WASHC3: variants seen among roughly 807,000 people sequenced by gnomAD.
The protein encoded by WASHC3 is WASH complex subunit CCDC53.
Under a neutral mutation model 26.1 loss-of-function variants are expected in WASHC3, and 24 were observed. The observed-to-expected ratio is 0.92, with a 90% confidence interval of 0.66 to 1.29. The LOEUF is 1.29. WASHC3 is among the 50% of genes most tolerant of loss of function. WASHC3 has a pLI of 0.00. For missense variants in WASHC3, 214 were observed against 229.6 expected (o/e 0.93, Z 0.44); for synonymous variants, 77 against 75.7 (o/e 1.02, Z -0.09).
intron 1 of WASHC3, among the ~76,000 whole-genome samples, 200 bp downstream of exon 1, chr12:102,061,712 C>T (rs916685035): frequency 2.6e-5 from 4 of 152,148 alleles, no homozygotes; most frequent in African/African-American, 9.7e-5. Context: ...GAGATGCACA[C>T]CGTCTCCTTA....
At chr12:102,026,075 A>C (rs1288282744) in intron 5 of WASHC3, 37 bp from the exon 6 acceptor site, 2 of 1,212,230 alleles carry the variant, frequency 1.6e-6, no homozygotes, top group African/African-American at 1.5e-5. Context: ...ATCATTAAAA[A>C]TGTCTCCTTT....
intron 2 of WASHC3, among the ~76,000 whole-genome samples, chr12:102,047,747 G>T (rs7311057): frequency 0.3 from 46,190 of 151,860 alleles, 7,438 homozygotes; most frequent in East Asian, 0.42. Context: ...ACAAAAAAAT[G>T]GAATTAAAAA....
chr12:102,019,922 G>A (rs933170765), intron 6 of WASHC3, among the ~76,000 whole-genome samples: 4 of 151,960 alleles, frequency 2.6e-5, no homozygotes, highest in Admixed American at 6.6e-5. Context: ...TTTGACACCC[G>A]TTCTTCTCCC....
At chr12:102,039,794 T>C in intron 5 of WASHC3, 74 bp downstream of exon 5, 1 of 604,102 alleles carries the variant, frequency 1.7e-6, no homozygotes, top group South Asian at 2.6e-5. Context: ...TTGAAAAAAA[T>C]AACAGTAAAA....
chr12:102,025,224 T>C (rs1877124592), intron 6 of WASHC3, among the ~76,000 whole-genome samples: 1 of 152,106 alleles, frequency 6.6e-6, no homozygotes, highest in South Asian at 2.1e-4. Context: ...CAGCCCCAAA[T>C]TGGAAAGATT....
At chr12:102,024,826 A>G (rs10507138) in intron 6 of WASHC3, among the ~76,000 whole-genome samples, 21,960 of 152,152 alleles carry the variant, frequency 0.14, 1,743 homozygotes, top group Non-Finnish European at 0.18. Context: ...GATTGAACCT[A>G]TATGTCTGAT....
At position 102,053,604 on chromosome 12, in the gene WASHC3, C is replaced by A. The variant is rs532164841; in HGVS notation, c.151-7485G>T. Reference sequence around the variant, plus strand: ...AAGAAACAAATCACCAGTAACTGACCCTTCTTCACAACGAATCCAAAATTA... The same window carrying A: ...AAGAAACAAATCACCAGTAACTGACACTTCTTCACAACGAATCCAAAATTA... On this transcript the variant is annotated intron_variant, in intron 2 of 6. Coordinates refer to ENST00000240079, the MANE Select transcript of WASHC3 (RefSeq NM_016053.4). Among the ~76,000 whole-genome samples, 16 of 152,254 alleles carry A rather than the reference C, an allele frequency of 1.1e-4. 1 individual carries two copies. The South Asian group carries it at 1.7e-3, about 16-fold the overall frequency.
At chr12:102,036,260 G>A (rs1260116353) in intron 5 of WASHC3, among the ~76,000 whole-genome samples, 1 of 151,862 alleles carries the variant, frequency 6.6e-6, no homozygotes, top group East Asian at 1.9e-4. Flanking sequence ...TACTCAGGAG[G>A]CTGAGGCAGG....
intron 6 of WASHC3, chr12:102,017,801 T>C (rs1876774961): frequency 2.3e-6 from 1 of 437,570 alleles, no homozygotes; most frequent in Non-Finnish European, 4.5e-6. Context: ...CTTTTTTTAA[T>C]TTTTCTTATT....
At chr12:102,034,559 T>C (rs1193965217) in intron 5 of WASHC3, among the ~76,000 whole-genome samples, 1 of 152,184 alleles carries the variant, frequency 6.6e-6, no homozygotes. Context: ...GGAAAAGTGC[T>C]AAGTGGTTTG....
chr12:102,014,374 C>G (rs1283966349), intron 6 of WASHC3, among the ~76,000 whole-genome samples: 1 of 151,882 alleles, frequency 6.6e-6, no homozygotes, highest in African/African-American at 2.4e-5. Flanking sequence ...TGGCCTATAA[C>G]TGCTGTATCT....
In WASHC3 at chr12:102,013,114, A is replaced by T; in HGVS notation, c.579T>A (p.Ser193Arg). 1 of 1,455,054 alleles carries T rather than the reference A, an allele frequency of 6.9e-7. No homozygotes were observed. Among genetic ancestry groups the T allele is most frequent in the South Asian group, 1.2e-5 (1 of 81,878 alleles). The allele number at this position is 1,455,054 out of a possible 1,614,324, so 90.1% of individuals were successfully genotyped here. Residue 193 changes from serine to arginine, a missense_variant, in exon 7 of 7, where the codon AGT becomes AGA. By Grantham distance (110) the Ser-to-Arg change is moderately radical. Coordinates refer to ENST00000240079, the MANE Select transcript of WASHC3 (RefSeq NM_016053.4). ...ATTCTTATCAAAATTAAGCTTAATCACTAAAAGAAGATTCGCTATCTGAAC... is the reference window on the plus strand; with the variant it reads ...ATTCTTATCAAAATTAAGCTTAATCTCTAAAAGAAGATTCGCTATCTGAAC... ...EESSDSESSFSD is the reference protein window; with the variant it reads ...EESSDSESSFRD
intron 1 of WASHC3, 59 bp downstream of exon 1, chr12:102,061,853 C>G: frequency 6.8e-7 from 1 of 1,465,954 alleles, no homozygotes; most frequent in Non-Finnish European, 9.3e-7. Flanking sequence ...CCCCGGAAAG[C>G]TGCGTCTTCC....
chr12:102,046,938 G>T (rs576342975), intron 2 of WASHC3, among the ~76,000 whole-genome samples: 17 of 152,272 alleles, frequency 1.1e-4, no homozygotes, highest in African/African-American at 3.1e-4. Context: ...AAATAAAGGG[G>T]AATGGAATTG....
At chr12:102,022,552 T>C (rs1877003376) in intron 6 of WASHC3, among the ~76,000 whole-genome samples, 1 of 152,106 alleles carries the variant, frequency 6.6e-6, no homozygotes, top group African/African-American at 2.4e-5. Context: ...AACTAGAAAG[T>C]GGCAAGTAAT....
intron 5 of WASHC3, among the ~76,000 whole-genome samples, chr12:102,026,706 A>G (rs934444566): frequency 6.6e-6 from 1 of 152,242 alleles, no homozygotes; most frequent in African/African-American, 2.4e-5. Flanking sequence ...CATTTACTTG[A>G]AAAGGAAAGA....
intron 6 of WASHC3, chr12:102,019,260 G>C (rs1876849299): frequency 4.6e-6 from 1 of 215,434 alleles, no homozygotes. Flanking sequence ...AATATTACTA[G>C]TAATAATAAA....
At chr12:102,031,518 T>A (rs1220040061) in intron 5 of WASHC3, among the ~76,000 whole-genome samples, 1 of 152,222 alleles carries the variant, frequency 6.6e-6, no homozygotes, top group African/African-American at 2.4e-5. Context: ...AAAATATTTT[T>A]ACTTAAAATT....
intron 5 of WASHC3, among the ~76,000 whole-genome samples, chr12:102,030,542 C>T (rs1229426772): frequency 1.3e-5 from 2 of 151,876 alleles, no homozygotes; most frequent in Admixed American, 1.3e-4. Flanking sequence ...AAAATGGAAA[C>T]TTTATTTCTA....
Sources: allele counts gnomAD v4.1 joint callset (sites outside exome capture counted in the v4.1 genomes callset), GRCh38; gene constraint gnomAD v4.1.1; transcripts MANE v1.5; gene names NCBI Gene and HGNC (gene_info 2026-07-23, HGNC 2026-07-21).